The following ANAPC1 variants were observed in gnomAD, a reference collection of about 807,000 sequenced individuals.
The protein encoded by ANAPC1 is anaphase-promoting complex subunit 1.
A neutral mutation model predicts 208.0 loss-of-function variants in ANAPC1; 36 were observed. That is an observed-to-expected ratio of 0.17 (90% CI 0.13 to 0.23). The LOEUF is 0.23. Ranked by LOEUF, ANAPC1 falls within the 10% of genes least tolerant of loss-of-function variation. The probability of loss-of-function intolerance (pLI) is 1.00; values close to 1 mark genes in which losing one functional copy is unlikely to be tolerated. For synonymous variants in ANAPC1, 378 were observed against 695.2 expected (o/e 0.54, Z 7.18); for missense variants, 942 against 2,011.6 (o/e 0.47, Z 10.17).
At position 111,851,390 on chromosome 2, in the gene ANAPC1, G is replaced by T. The variant is rs149895935; in HGVS notation, c.1516-480C>A. On this transcript the variant is annotated intron_variant, in intron 13 of 47. Coordinates refer to ENST00000341068, the MANE Select transcript of ANAPC1 (RefSeq NM_022662.4). ...ACCTTGGTATAATTTCTCTTGGTTG[G>T]ATTCCTTCTCTTCATTACTGAAGAC... 7.9e-3 allele frequency among the ~76,000 whole-genome samples: 1,168 copies of T among 148,388 alleles called. 13 individuals are homozygous for T. Among genetic ancestry groups the T allele is most frequent in the African/African-American group, 0.027 (1,101 of 40,726 alleles).
Position 111,833,245 on chromosome 2 carries a change from A to C in ANAPC1, c.2451T>G (p.Thr817=), listed in dbSNP as rs1680260138. ...CTGGATCAATTGTGCACACTTGTCCAGTAGTTCTGACAAGCGTTGGGTAGT... is the reference window on the plus strand; with the variant it reads ...CTGGATCAATTGTGCACACTTGTCCCGTAGTTCTGACAAGCGTTGGGTAGT... ...YRDYPTLVRT[T]GQVCTIDPGQ... The change falls in exon 20 of 48, where the codon ACT becomes ACG. Residue 817 remains threonine, a synonymous_variant. Coordinates refer to ENST00000341068, the MANE Select transcript of ANAPC1 (RefSeq NM_022662.4). The C allele has an allele frequency of 6.2e-7, 1 of 1,601,246 alleles. No homozygotes were observed. The highest frequency in any genetic ancestry group is 8.5e-7 in the Non-Finnish European group (1 of 1,169,904).
At chr2:111,860,393 A>T (rs1681992436) in intron 10 of ANAPC1, among the ~76,000 whole-genome samples, 1 of 136,632 alleles carries the variant, frequency 7.3e-6, no homozygotes, top group African/African-American at 2.8e-5. Context: ...CTTGACCAAG[A>T]CTCCCTCTAA....
intron 46 of ANAPC1, among the ~76,000 whole-genome samples, chr2:111,775,982 C>T (rs1261707512): frequency 6.6e-6 from 1 of 152,232 alleles, no homozygotes; most frequent in Non-Finnish European, 1.5e-5. Context: ...GTATATCCCT[C>T]ACAACTTGGT....
At chr2:111,826,181 C>G (rs1679820649) in intron 21 of ANAPC1, among the ~76,000 whole-genome samples, 1 of 152,338 alleles carries the variant, frequency 6.6e-6, no homozygotes, top group East Asian at 1.9e-4. Context: ...AGCCACCACA[C>G]CTAGCTACAT....
chr2:111,831,423 A>G lies in ANAPC1; in HGVS notation c.2488T>C (p.Phe830Leu). 6.2e-7 allele frequency: 1 copy of G among 1,601,244 alleles called. No individual in the cohort carries two copies. The highest frequency in any genetic ancestry group is 8.5e-7 in the Non-Finnish European group (1 of 1,173,762). Residue 830 changes from phenylalanine to leucine, a missense_variant, in exon 21 of 48, where the codon TTT becomes CTT. By Grantham distance (22) the Phe-to-Leu change is conservative. Transcript: ENST00000341068. ...GTAAAAAATGATGGATGATGCATAA[A>G]TCCTGTTTGACCTTTAAAATTAGAT... ...VCTIDPGQTG[F>L]MHHPSFFTSE...
chr2:111,823,158 C>T (rs1420827621), intron 24 of ANAPC1, among the ~76,000 whole-genome samples: 6 of 150,896 alleles, frequency 4.0e-5, no homozygotes, highest in East Asian at 1.9e-4. Flanking sequence ...TACAGGCGCC[C>T]GCCACCATGC....
chr2:111,805,874 T>C lies in ANAPC1; in HGVS notation c.3852A>G (p.Glu1284=), dbSNP rs1444333684. The stretch of plus-strand genomic sequence containing the variant: ...ACTCTCTGTCAGTGCAGTATTCCAT[T>C]TCAGGACCAGGAGGCCGTCCTGTAA... ...LAEIGRPPGP[E]MEYCTDRESY... The change falls in exon 30 of 48, where the codon GAA becomes GAG. Residue 1284 remains glutamate (E), a synonymous_variant. Transcript: ENST00000341068. The C allele has an allele frequency of 2.8e-6, 1 of 358,004 alleles. No individual in the cohort carries two copies. Among genetic ancestry groups the C allele is most frequent in the East Asian group, 5.1e-5 (1 of 19,592 alleles). The allele number at this position is 358,004 out of a possible 1,614,324, so 22.2% of individuals were successfully genotyped here. A position where few individuals can be genotyped will look rare whatever the true frequency, so the allele number is the denominator to read the frequency against.
intron 34 of ANAPC1, among the ~76,000 whole-genome samples, chr2:111,799,162 A>G (rs1163443182): frequency 6.6e-6 from 1 of 152,286 alleles, no homozygotes; most frequent in Non-Finnish European, 1.5e-5. Context: ...CACTTCACAA[A>G]AAAAGATAGA....
At position 111,825,152 on chromosome 2, in the gene ANAPC1, T is replaced by A; in HGVS notation, c.2720A>T (p.Gln907Leu). The A allele has an allele frequency of 6.2e-7, 1 of 1,613,614 alleles. No homozygotes were observed. The highest frequency in any genetic ancestry group is 8.5e-7 in the Non-Finnish European group (1 of 1,179,784). Residue 907 changes from glutamine (Q) to leucine (L), a missense_variant, in exon 23 of 48, where the codon CAA (glutamine) becomes CTA (leucine). Coordinates refer to ENST00000341068, the MANE Select transcript of ANAPC1 (RefSeq NM_022662.4). ...TCACCTGTTTTCCTCTTGTTCTACT[T>A]GCAACTTCTGGGGGGCTAAAAGGCA... ...TRITIAPQKL[Q>L]VEQEENRFSF...
chr2:111,790,839 AAT>A (rs1247796678), intron 38 of ANAPC1, among the ~76,000 whole-genome samples: 1 of 152,214 alleles, frequency 6.6e-6, no homozygotes, highest in Non-Finnish European at 1.5e-5. Flanking sequence ...CACAGTAATC[AAT>A]ACAAAGCTAA....
intron 39 of ANAPC1, among the ~76,000 whole-genome samples, chr2:111,786,646 T>C (rs1677568361): frequency 1.4e-5 from 1 of 73,740 alleles, no homozygotes; most frequent in South Asian, 5.9e-4. Context: ...TGCAGTGAGC[T>C]GAGATCGCAC....
chr2:111,833,819 T>C (rs1472718504), intron 19 of ANAPC1, among the ~76,000 whole-genome samples: 3 of 152,150 alleles, frequency 2.0e-5, no homozygotes, highest in African/African-American at 7.2e-5. Flanking sequence ...TATTTACCAT[T>C]GATTAAAACT....
intron 38 of ANAPC1, among the ~76,000 whole-genome samples, chr2:111,791,989 G>A (rs1458130670): frequency 1.3e-5 from 2 of 151,602 alleles, no homozygotes; most frequent in East Asian, 3.9e-4. Context: ...GATCAAGAAA[G>A]CTGAAAACTA....
intron 24 of ANAPC1, among the ~76,000 whole-genome samples, chr2:111,824,506 T>C (rs894984119): frequency 1.3e-5 from 2 of 152,128 alleles, no homozygotes; most frequent in African/African-American, 2.4e-5. Flanking sequence ...TTCCTTCCTC[T>C]TCCTCTTCCC....
chr2:111,880,340 C>G (rs982471032), intron 2 of ANAPC1, among the ~76,000 whole-genome samples: 2 of 151,886 alleles, frequency 1.3e-5, no homozygotes, highest in Non-Finnish European at 2.9e-5. Context: ...CCAGTGCACT[C>G]CAGCCCGGGC....
At chr2:111,777,895 A>C (rs1466118794) in intron 45 of ANAPC1, among the ~76,000 whole-genome samples, 1 of 152,206 alleles carries the variant, frequency 6.6e-6, no homozygotes, top group Non-Finnish European at 1.5e-5. Context: ...CTGTGAACTT[A>C]CTATATTCAC....
chr2:111,785,842 A>ATT (rs200237198), intron 39 of ANAPC1, among the ~76,000 whole-genome samples: 5 of 138,098 alleles, frequency 3.6e-5, no homozygotes, highest in African/African-American at 7.8e-5. Flanking sequence ...ATCTTCTCAG[A>ATT]TTTTTTTTTT....
chr2:111,847,254 T>C (rs1681144613), intron 15 of ANAPC1, 56 bp from the exon 16 acceptor site: 1 of 1,337,024 alleles, frequency 7.5e-7, no homozygotes, highest in East Asian at 2.3e-5. Flanking sequence ...AGTCTTTGAA[T>C]GTCTTAAAAA....
At position 111,866,436 on chromosome 2, in the gene ANAPC1, G is replaced by A; in HGVS notation, c.686-1485C>T. ...GTAAGGAGCTGAGTCCTTCAACACT[G>A]AAGACAAGGCCAGGCGTGGTGGCTC... On this transcript the variant is annotated intron_variant, in intron 7 of 47. Transcript: ENST00000341068. 2 of 152,378 alleles carry A rather than the reference G, an allele frequency of 1.3e-5. 1 individual carries two copies. Among genetic ancestry groups the A allele is most frequent in the Admixed American group, 1.5e-4 (2 of 13,240 alleles). 9.4% of individuals were successfully genotyped at this position (152,378 alleles called of 1,614,324 possible).
Sources: gnomAD v4.1 joint callset for allele counts (sites outside exome capture counted in the v4.1 genomes callset) on GRCh38, gnomAD v4.1.1 for gene constraint, MANE v1.5 for transcripts, NCBI Gene and HGNC (gene_info 2026-07-23, HGNC 2026-07-21) for gene names.